Variants in PDE4D observed in about 807,000 individuals in gnomAD.
The protein encoded by PDE4D is phosphodiesterase 4D.
A neutral mutation model predicts 87.4 loss-of-function variants in PDE4D; 24 were observed. The observed-to-expected ratio is 0.27, with a 90% CI of 0.20 to 0.39. The LOEUF is 0.39. Among genes scored for constraint, PDE4D ranks in the 10% least tolerant of loss-of-function variants. The pLI is 1.00. For synonymous variants in PDE4D, 384 were observed against 383.2 expected (o/e 1.00, Z -0.02); for missense variants, 714 against 1,041.0 (o/e 0.69, Z 4.32).
intron 1 of PDE4D, among the ~76,000 whole-genome samples, chr5:59,536,246 C>G (rs1245763430): frequency 6.6e-6 from 1 of 151,970 alleles, no homozygotes; most frequent in African/African-American, 2.4e-5. Context: ...TGGCTCACGC[C>G]TGTAATCCCA....
intron 1 of PDE4D, among the ~76,000 whole-genome samples, chr5:59,744,459 A>G (rs1422100328): frequency 6.6e-6 from 1 of 152,192 alleles, no homozygotes; most frequent in Non-Finnish European, 1.5e-5. Context: ...TCCAATGACT[A>G]TAACAAAAAG....
intron 1 of PDE4D, among the ~76,000 whole-genome samples, chr5:59,385,806 G>A (rs1786858123): frequency 6.6e-6 from 1 of 152,074 alleles, no homozygotes; most frequent in Non-Finnish European, 1.5e-5. Context: ...TTCCTGTGGT[G>A]CTCACACTGA....
At chr5:59,762,891 A>ATATATATATC (rs1225575340) in intron 1 of PDE4D, among the ~76,000 whole-genome samples, 2 of 117,648 alleles carry the variant, frequency 1.7e-5, no homozygotes, top group Admixed American at 9.3e-5. Flanking sequence ...ATATATATAT[A>ATATATATATC]TAGCTTGCTC....
chr5:59,661,074 T>TCATA (rs10646455), intron 1 of PDE4D, among the ~76,000 whole-genome samples: 2 of 140,082 alleles, frequency 1.4e-5, no homozygotes, highest in African/African-American at 5.4e-5. Context: ...CATGATAATA[T>TCATA]TATATATATA....
At chr5:59,428,767 T>C (rs1405613901) in intron 1 of PDE4D, among the ~76,000 whole-genome samples, 1 of 152,174 alleles carries the variant, frequency 6.6e-6, no homozygotes, top group African/African-American at 2.4e-5. Context: ...TCATTACATG[T>C]TTGTTGTCAT....
chr5:59,091,629 A>T (rs1768751095), intron 5 of PDE4D, among the ~76,000 whole-genome samples: 1 of 152,126 alleles, frequency 6.6e-6, no homozygotes, highest in South Asian at 2.1e-4. Context: ...GTAAATCATA[A>T]AGAAAAGTAG....
intron 2 of PDE4D, among the ~76,000 whole-genome samples, chr5:60,033,248 G>T (rs1767439001): frequency 6.6e-6 from 1 of 151,938 alleles, no homozygotes; most frequent in African/African-American, 2.4e-5. Context: ...TCTACCTTTG[G>T]TTGTATACTG....
chr5:59,363,152 TATA>T (rs1782495681), intron 1 of PDE4D, among the ~76,000 whole-genome samples: 1 of 152,192 alleles, frequency 6.6e-6, no homozygotes, highest in Non-Finnish European at 1.5e-5. Context: ...CTTGCTGAGT[TATA>T]ATGTCTTATC....
chr5:59,970,691 A>T (rs1396292110), intron 3 of PDE4D, among the ~76,000 whole-genome samples: 393 of 139,274 alleles, frequency 2.8e-3, no homozygotes, highest in Middle Eastern at 3.4e-3. Flanking sequence ...GGTGATCATT[A>T]AAAAGTCAGG....
chr5:60,481,835 AT>A (rs1475283948), intron 1 of PDE4D, among the ~76,000 whole-genome samples: 3 of 152,292 alleles, frequency 2.0e-5, no homozygotes, highest in African/African-American at 4.8e-5. Context: ...AGCCTTGGAA[AT>A]TTTTTAACAT....
chr5:60,049,621 A>G, intron 2 of PDE4D, among the ~76,000 whole-genome samples: 1 of 152,088 alleles, frequency 6.6e-6, no homozygotes, highest in Non-Finnish European at 1.5e-5. Context: ...TGGAGTACCC[A>G]GCCGTGTGAG....
intron 1 of PDE4D, among the ~76,000 whole-genome samples, chr5:59,836,658 C>CTATCT (rs61603830): frequency 1.1e-4 from 13 of 120,870 alleles, no homozygotes; most frequent in Non-Finnish European, 1.9e-4. Flanking sequence ...ATCTATCTAT[C>CTATCT]ATCTATCTAC....
chr5:60,183,389 A>G (rs992859733), intron 2 of PDE4D, among the ~76,000 whole-genome samples: 1 of 152,212 alleles, frequency 6.6e-6, no homozygotes, highest in African/African-American at 2.4e-5. Context: ...ATAGAAATTC[A>G]TAACTGGTAG....
At position 59,182,996 on chromosome 5, in the gene PDE4D, T is replaced by C. The variant is rs1742010605; in HGVS notation, c.758+2193A>G. On this transcript the variant is annotated intron_variant, in intron 4 of 14. Coordinates refer to ENST00000340635, the MANE Select transcript of PDE4D (RefSeq NM_001104631.2). Reference sequence around the variant, plus strand: ...TGTGCAAAGGAGCACATGCCTTCCATAAAATCCAAGGATGAGCTTGGAAAT... The same window carrying C: ...TGTGCAAAGGAGCACATGCCTTCCACAAAATCCAAGGATGAGCTTGGAAAT... Among the ~76,000 whole-genome samples, 4 of 152,202 alleles carry C rather than the reference T, an allele frequency of 2.6e-5. No individual in the cohort carries two copies. The South Asian group carries it at 8.3e-4, about 31-fold the overall frequency.
chr5:59,606,179 T>C (rs185022579), intron 1 of PDE4D, among the ~76,000 whole-genome samples: 39 of 152,204 alleles, frequency 2.6e-4, no homozygotes, highest in Non-Finnish European at 1.0e-4. Flanking sequence ...TCAACTCGTA[T>C]AAATTCTGTA....
chr5:59,732,306 T>C (rs1025595319), intron 1 of PDE4D, among the ~76,000 whole-genome samples: 2 of 151,942 alleles, frequency 1.3e-5, no homozygotes, highest in Non-Finnish European at 2.9e-5. Context: ...AACCTGTACA[T>C]TAATCTATGC....
At chr5:59,535,078 G>A (rs112448452) in intron 1 of PDE4D, among the ~76,000 whole-genome samples, 4 of 72,432 alleles carry the variant, frequency 5.5e-5, no homozygotes, top group Non-Finnish European at 1.3e-4. Context: ...TGTGTGTGTG[G>A]GGGGGGGGTC....
chr5:59,450,496 T>A (rs567013071), intron 1 of PDE4D, among the ~76,000 whole-genome samples: 5 of 152,260 alleles, frequency 3.3e-5, no homozygotes, highest in African/African-American at 1.2e-4. Context: ...GCATAAAGAA[T>A]AAAAGGCAAG....
At chr5:59,363,458 C>A (rs1415152726) in intron 1 of PDE4D, among the ~76,000 whole-genome samples, 1 of 152,090 alleles carries the variant, frequency 6.6e-6, no homozygotes, top group Non-Finnish European at 1.5e-5. Context: ...ATATCTTAAC[C>A]AATACATGCC....
Sources: gnomAD v4.1 joint callset for allele counts (sites outside exome capture counted in the v4.1 genomes callset) on GRCh38, gnomAD v4.1.1 for gene constraint, MANE v1.5 for transcripts, NCBI Gene and HGNC (gene_info 2026-07-23, HGNC 2026-07-21) for gene names.